The following RASGRF2 variants were observed in gnomAD, a reference collection of about 807,000 sequenced individuals.
The protein encoded by RASGRF2 is ras-specific guanine nucleotide-releasing factor 2.
In RASGRF2, 76 loss-of-function variants were observed where a neutral mutation model predicts 151.0. The ratio of observed to expected loss-of-function variants is 0.50; its 90% confidence interval spans 0.42 to 0.61. The LOEUF (loss-of-function observed/expected upper bound fraction) is 0.61. Ranked by LOEUF, RASGRF2 falls within the 20% of genes least tolerant of loss-of-function variation. The pLI, the probability that RASGRF2 is intolerant of heterozygous loss-of-function variation, is 0.00. For synonymous variants in RASGRF2, 504 were observed against 566.5 expected (o/e 0.89, Z 1.57); for missense variants, 1,148 against 1,564.6 (o/e 0.73, Z 4.49).
intron 1 of RASGRF2, among the ~76,000 whole-genome samples, chr5:81,030,136 A>G (rs1750185569): frequency 6.6e-6 from 1 of 152,234 alleles, no homozygotes; most frequent in Non-Finnish European, 1.5e-5. Flanking sequence ...AAAGCCTTCA[A>G]GAAATATGGG....
chr5:81,164,446 C>A (rs1264014153), intron 17 of RASGRF2, among the ~76,000 whole-genome samples: 1 of 101,484 alleles, frequency 9.9e-6, no homozygotes, highest in Non-Finnish European at 2.1e-5. Flanking sequence ...AAAATTGGGC[C>A]ACGTTTGATG....
intron 2 of RASGRF2, among the ~76,000 whole-genome samples, chr5:81,061,305 A>T (rs1016644452): frequency 6.6e-6 from 1 of 152,070 alleles, no homozygotes; most frequent in African/African-American, 2.4e-5. Context: ...GAGTGATATT[A>T]TTAGAAGTGA....
At chr5:81,198,976 A>G (rs1482308166) in intron 18 of RASGRF2, among the ~76,000 whole-genome samples, 1 of 152,234 alleles carries the variant, frequency 6.6e-6, no homozygotes, top group Non-Finnish European at 1.5e-5. Context: ...TCTTTGAGAA[A>G]TCTCCAAACT....
At chr5:81,105,113 G>T (rs1752808854) in intron 12 of RASGRF2, among the ~76,000 whole-genome samples, 1 of 152,148 alleles carries the variant, frequency 6.6e-6, no homozygotes, top group Non-Finnish European at 1.5e-5. Context: ...AGCCCCCAGA[G>T]AACTGCATCT....
intron 9 of RASGRF2, chr5:81,087,661 T>C: frequency 2.4e-6 from 1 of 415,252 alleles, no homozygotes; most frequent in Non-Finnish European, 4.3e-6. Flanking sequence ...GTAAACCACA[T>C]CCCAAGTTAT....
intron 15 of RASGRF2, among the ~76,000 whole-genome samples, chr5:81,119,366 G>A (rs153229): frequency 0.31 from 47,029 of 152,090 alleles, 7,565 homozygotes; most frequent in Middle Eastern, 0.44. Flanking sequence ...ACATGGGTGG[G>A]AAAGAGAGTG....
At chr5:81,020,438 G>A (rs941271810) in intron 1 of RASGRF2, among the ~76,000 whole-genome samples, 2 of 152,046 alleles carry the variant, frequency 1.3e-5, no homozygotes, top group Non-Finnish European at 2.9e-5. Context: ...GTATGACTGC[G>A]TGAAACACAT....
chr5:81,223,567 G>A (rs1755907292), intron 26 of RASGRF2: 1 of 152,182 alleles, frequency 6.6e-6, no homozygotes, highest in Admixed American at 6.5e-5. Flanking sequence ...CGTGAACCCG[G>A]GAGGCGGAGC....
intron 1 of RASGRF2, among the ~76,000 whole-genome samples, chr5:81,040,652 C>T (rs553836685): frequency 6.6e-6 from 1 of 152,334 alleles, no homozygotes; most frequent in East Asian, 1.9e-4. Flanking sequence ...GCCCCCACCC[C>T]CTTGGATGTT....
intron 17 of RASGRF2, among the ~76,000 whole-genome samples, chr5:81,160,522 A>T (rs2112637180): frequency 6.6e-6 from 1 of 151,982 alleles, no homozygotes; most frequent in East Asian, 1.9e-4. Context: ...ATACAAAAAA[A>T]TTAGCCAGGC....
At chr5:81,058,543 T>C (rs1435968597) in intron 2 of RASGRF2, among the ~76,000 whole-genome samples, 1 of 152,132 alleles carries the variant, frequency 6.6e-6, no homozygotes, top group South Asian at 2.1e-4. Context: ...AGTAGTAAAC[T>C]AGGGAGCCCT....
chr5:81,197,823 A>G (rs565863704), intron 18 of RASGRF2, among the ~76,000 whole-genome samples: 29 of 152,382 alleles, frequency 1.9e-4, no homozygotes, highest in African/African-American at 7.0e-4. Flanking sequence ...TCAGAGTAAG[A>G]TCCTCAAAAG....
rs201096563 is a variant in RASGRF2, at chr5:81,217,744, A to ATT, written c.3552+286_3552+287dup. ...CAGTTGTGTGCCTCATGCCCAGCTA[A>ATT]TTTTTTTTTTTTTTTTGAGACAGAG... is the stretch of plus-strand genomic sequence containing the variant. On this transcript the variant is annotated intron_variant, in intron 25 of 26. Transcript: ENST00000265080. Among the ~76,000 whole-genome samples, 192 of 129,072 alleles carry ATT rather than the reference A, an allele frequency of 1.5e-3. 1 individual carries two copies. Among genetic ancestry groups the ATT allele is most frequent in the Non-Finnish European group, 2.3e-3 (137 of 60,078 alleles). 84.7% of individuals were successfully genotyped at this position (129,072 alleles called of 152,430 possible). A position where few individuals can be genotyped will look rare whatever the true frequency, so the allele number is the denominator to read the frequency against.
intron 1 of RASGRF2, among the ~76,000 whole-genome samples, chr5:80,982,554 G>A (rs983020062): frequency 5.0e-5 from 7 of 138,622 alleles, no homozygotes; most frequent in Non-Finnish European, 1.6e-5. Context: ...GTGGCTGGGG[G>A]CTGGAAGTGG....
At chr5:80,984,114 G>T (rs1457935723) in intron 1 of RASGRF2, among the ~76,000 whole-genome samples, 1 of 152,192 alleles carries the variant, frequency 6.6e-6, no homozygotes, top group Admixed American at 6.5e-5. Context: ...AGGCTGGAGT[G>T]TAGTGGCGTG....
chr5:81,145,936 C>G (rs779682087), intron 17 of RASGRF2, among the ~76,000 whole-genome samples: 70 of 152,282 alleles, frequency 4.6e-4, no homozygotes, highest in Non-Finnish European at 8.2e-4. Flanking sequence ...TAAACTTTGA[C>G]CAAATTATTC....
intron 15 of RASGRF2, among the ~76,000 whole-genome samples, chr5:81,121,869 C>T (rs552569803): frequency 6.6e-6 from 1 of 152,196 alleles, no homozygotes. Context: ...TCACTTAGAC[C>T]ATGGCCGTGC....
At position 81,225,756 on chromosome 5, in the gene RASGRF2, C is replaced by T. The variant is rs375156997; in HGVS notation, c.3700C>T (p.Arg1234Ter). The T allele has an allele frequency of 2.4e-5, 38 of 1,611,708 alleles. No homozygotes were observed. The African/African-American group carries it at 3.1e-4, about 13-fold the overall frequency. ...TGAGCTGTCACTAAAAATTGAACCT[C>T]GACTCCCTGCTTGAAGATCTGGCCT... ...LYELSLKIEP[R>*]LPA Residue 1234 changes from arginine to a stop codon, truncating the protein, a stop_gained, in exon 27 of 27, where the codon CGA (arginine) becomes TGA (stop). Coordinates refer to ENST00000265080, the MANE Select transcript of RASGRF2 (RefSeq NM_006909.3). LOFTEE classifies it high-confidence loss of function.
chr5:80,960,962 G>C lies in RASGRF2; in HGVS notation c.224G>C (p.Arg75Pro), dbSNP rs745743928. The change falls in exon 1 of 27, where the codon CGA (arginine) becomes CCA (proline). Residue 75 changes from arginine (R) to proline (P), a missense_variant. Around this residue, in one of 5 missense-constraint regions of RASGRF2, gnomAD observed 221 missense variants for 271.3 expected, o/e 0.81. Coordinates refer to ENST00000265080, the MANE Select transcript of RASGRF2 (RefSeq NM_006909.3). This position sits in a 1 kb window ranked among gnomAD's most constrained non-coding sequence, Gnocchi z 5.5. ...CTCCTGGAGGGCTGCAGCTGCGAAC[G>C]AACGCCCGCGCCACCCAGGGCCGGC... ...MYLLEGCSCE[R>P]TPAPPRAGAG... The C allele has an allele frequency of 2.6e-5, 40 of 1,565,220 alleles. No individual in the cohort carries two copies. Among genetic ancestry groups the C allele is most frequent in the Non-Finnish European group, 3.5e-5 (40 of 1,147,244 alleles).
Sources: gnomAD v4.1 joint callset for allele counts (sites outside exome capture counted in the v4.1 genomes callset) on GRCh38, gnomAD v4.1.1 for gene constraint, gnomAD v4.1.1 regional missense constraint, Gnocchi (gnomAD v3.1) non-coding constraint, MANE v1.5 for transcripts, NCBI Gene and HGNC (gene_info 2026-07-23, HGNC 2026-07-21) for gene names.